RFC3: variants seen among roughly 807,000 people sequenced by gnomAD.
RFC3 encodes replication factor C subunit 3, also known as A1 38 kDa subunit.
A neutral mutation model predicts 45.1 loss-of-function variants in RFC3; 41 were observed. The ratio of observed to expected loss-of-function variants is 0.91; its 90% CI spans 0.71 to 1.18. The LOEUF (loss-of-function observed/expected upper bound fraction) is 1.18, where lower values mean the gene tolerates loss of function less well. Among genes scored for constraint, RFC3 ranks in the 50% most tolerant of loss-of-function variants. The probability of loss-of-function intolerance (pLI) is 0.00; values close to 1 mark genes in which losing one functional copy is unlikely to be tolerated. For missense variants in RFC3, 423 were observed against 428.1 expected (o/e 0.99, Z 0.10); for synonymous variants, 149 against 144.0 (o/e 1.03, Z -0.25).
chr13:33,823,751 G>C (rs978814126), intron 2 of RFC3, among the ~76,000 whole-genome samples, 166 bp from the exon 3 acceptor site: 1 of 152,044 alleles, frequency 6.6e-6, no homozygotes, highest in African/African-American at 2.4e-5. Context: ...ATAAAAACAT[G>C]TTTATCTGCA....
At chr13:33,856,261 T>C (rs1179259795) in intron 8 of RFC3, among the ~76,000 whole-genome samples, 1 of 152,164 alleles carries the variant, frequency 6.6e-6, no homozygotes, top group East Asian at 1.9e-4. Context: ...CACAAGTTTT[T>C]ATTTATAAGT....
At chr13:33,962,618 C>T (rs566359015) in intron 8 of RFC3, among the ~76,000 whole-genome samples, 172 of 152,238 alleles carry the variant, frequency 1.1e-3, no homozygotes, top group African/African-American at 3.8e-3. Flanking sequence ...ATCTGAGATG[C>T]TCATGCAACA....
chr13:33,913,554 C>A (rs2082715293), intron 8 of RFC3, among the ~76,000 whole-genome samples: 1 of 152,056 alleles, frequency 6.6e-6, no homozygotes, highest in South Asian at 2.1e-4. Context: ...CATTTCTGTC[C>A]CTTTCTATAT....
intron 8 of RFC3, among the ~76,000 whole-genome samples, chr13:33,925,823 T>C (rs1269605398): frequency 6.6e-6 from 1 of 151,754 alleles, no homozygotes; most frequent in Non-Finnish European, 1.5e-5. Flanking sequence ...CCACCACATA[T>C]CTCCTGAAAT....
intron 8 of RFC3, among the ~76,000 whole-genome samples, chr13:33,888,281 G>T (rs2082539807): frequency 6.6e-6 from 1 of 152,286 alleles, no homozygotes; most frequent in African/African-American, 2.4e-5. Context: ...GGTGCTTCTT[G>T]GAGTTTTATA....
At chr13:33,930,703 G>T (rs892538495) in intron 8 of RFC3, among the ~76,000 whole-genome samples, 1 of 152,060 alleles carries the variant, frequency 6.6e-6, no homozygotes, top group African/African-American at 2.4e-5. Context: ...TCTGTGAATT[G>T]TCAACTCCTG....
chr13:33,844,399 C>G (rs1270218919), intron 8 of RFC3, among the ~76,000 whole-genome samples: 2 of 152,180 alleles, frequency 1.3e-5, no homozygotes, highest in Non-Finnish European at 2.9e-5. Flanking sequence ...CTGTTCTTCT[C>G]TCTCCAGCAG....
intron 8 of RFC3, among the ~76,000 whole-genome samples, chr13:33,875,346 A>C (rs1342520178): frequency 6.6e-6 from 1 of 152,202 alleles, no homozygotes; most frequent in Non-Finnish European, 1.5e-5. Context: ...GATTCCCTAA[A>C]GGAAACAATA....
At chr13:33,927,666 A>G (rs6562196) in intron 8 of RFC3, among the ~76,000 whole-genome samples, 46,428 of 151,966 alleles carry the variant, frequency 0.31, 11,372 homozygotes, top group African/African-American at 0.66. Flanking sequence ...ATTTTGCCAG[A>G]GTTTGACACG....
chr13:33,933,554 C>T (rs1490007441), intron 8 of RFC3, among the ~76,000 whole-genome samples: 1 of 152,070 alleles, frequency 6.6e-6, no homozygotes, highest in Admixed American at 6.6e-5. Flanking sequence ...AGATTCTCAT[C>T]TTCTCTGTCT....
chr13:33,941,632 T>G (rs1016863194), intron 8 of RFC3, among the ~76,000 whole-genome samples: 7 of 152,206 alleles, frequency 4.6e-5, no homozygotes, highest in Non-Finnish European at 1.5e-5. Context: ...CTTGTTTTCT[T>G]TCTTCGAAGC....
chr13:33,832,122 G>C (rs1325731236), intron 7 of RFC3, among the ~76,000 whole-genome samples: 6 of 152,162 alleles, frequency 3.9e-5, no homozygotes, highest in Non-Finnish European at 8.8e-5. Context: ...CTTCGATTGA[G>C]AAACACAGTT....
At chr13:33,874,457 A>T (rs2082432931) in intron 8 of RFC3, among the ~76,000 whole-genome samples, 1 of 152,186 alleles carries the variant, frequency 6.6e-6, no homozygotes, top group South Asian at 2.1e-4. Context: ...AGCTGGGATT[A>T]CAGGCATGCG....
At chr13:33,959,129 A>G (rs2083040573) in intron 8 of RFC3, among the ~76,000 whole-genome samples, 2 of 151,888 alleles carry the variant, frequency 1.3e-5, no homozygotes. Flanking sequence ...CTTTGGTAAC[A>G]CTCCTGATCT....
At chr13:33,947,384 G>A (rs191848534) in intron 8 of RFC3, among the ~76,000 whole-genome samples, 200 of 152,236 alleles carry the variant, frequency 1.3e-3, no homozygotes, top group African/African-American at 1.7e-3. Context: ...TCAGCCATGC[G>A]AAACTATAAG....
intron 8 of RFC3, among the ~76,000 whole-genome samples, chr13:33,878,761 A>G (rs2082463960): frequency 6.6e-6 from 1 of 152,202 alleles, no homozygotes; most frequent in South Asian, 2.1e-4. Context: ...TATAATTTCC[A>G]TACCAGCTTC....
At chr13:33,862,679 A>G (rs1026396601) in intron 8 of RFC3, among the ~76,000 whole-genome samples, 1 of 152,214 alleles carries the variant, frequency 6.6e-6, no homozygotes, top group Non-Finnish European at 1.5e-5. Context: ...ATATTTTGAT[A>G]TATTCATATA....
the RFC3 span, among the ~76,000 whole-genome samples, chr13:33,975,458 C>G: frequency 1.3e-5 from 2 of 152,130 alleles, no homozygotes; most frequent in Non-Finnish European, 2.9e-5. Context: ...ATATAATATT[C>G]TAATGGTAGA....
intron 8 of RFC3, among the ~76,000 whole-genome samples, chr13:33,962,139 C>A (rs2083061024): frequency 6.6e-6 from 1 of 152,146 alleles, no homozygotes; most frequent in African/African-American, 2.4e-5. Context: ...CCTGTTTTCT[C>A]TGTAGGATCC....
Sources: allele counts gnomAD v4.1 joint callset (sites outside exome capture counted in the v4.1 genomes callset), GRCh38; gene constraint gnomAD v4.1.1; transcripts MANE v1.5; gene names NCBI Gene and HGNC (gene_info 2026-07-23, HGNC 2026-07-21).